Variants in SCAPER observed in about 807,000 individuals in gnomAD.
The protein encoded by SCAPER is S-phase cyclin A associated protein in the ER, also known as S phase cyclin A-associated protein in the endoplasmic reticulum.
SCAPER carries 98 observed loss-of-function variants against 182.2 expected under a neutral mutation model. The ratio of observed to expected loss-of-function variants is 0.54; its 90% CI spans 0.46 to 0.64. The LOEUF is 0.64. Ranked by LOEUF, SCAPER falls within the 30% of genes least tolerant of loss-of-function variation. The pLI, the probability that SCAPER is intolerant of heterozygous loss-of-function variation, is 0.00. For missense variants in SCAPER, 1,432 were observed against 1,690.0 expected, an observed-to-expected ratio of 0.85 and a Z score of 2.68; for synonymous variants, 605 against 564.6, an observed-to-expected ratio of 1.07 and a Z score of -1.01.
intron 4 of SCAPER, 46 bp from the exon 5 acceptor site, chr15:76,841,977 T>G (rs768881847): frequency 1.6e-5 from 25 of 1,516,322 alleles, no homozygotes; most frequent in Non-Finnish European, 2.1e-5. Flanking sequence ...TAAAAGGGCT[T>G]CCAGGGACTG....
chr15:76,852,343 T>C (rs1428667152), intron 4 of SCAPER, among the ~76,000 whole-genome samples: 3 of 152,204 alleles, frequency 2.0e-5, no homozygotes, highest in Non-Finnish European at 2.9e-5. Flanking sequence ...ATGGATCTGA[T>C]AGATCTCTAC....
chr15:76,523,376 G>A (rs999313746), intron 23 of SCAPER, among the ~76,000 whole-genome samples: 2 of 151,994 alleles, frequency 1.3e-5, no homozygotes, highest in African/African-American at 4.8e-5. Context: ...CCAATATTGT[G>A]ACCACAGAAG....
At chr15:76,540,127 C>A (rs147363201) in intron 23 of SCAPER, among the ~76,000 whole-genome samples, 33 of 152,208 alleles carry the variant, frequency 2.2e-4, no homozygotes, top group African/African-American at 6.5e-4. Context: ...TTTTAAAAAA[C>A]CATGTGTGGC....
chr15:76,397,725 C>A (rs557664142), intron 27 of SCAPER, among the ~76,000 whole-genome samples: 1 of 152,128 alleles, frequency 6.6e-6, no homozygotes, highest in Admixed American at 6.6e-5. Context: ...GATCCGCCCG[C>A]CTTGGCCTCC....
chr15:76,752,637 AC>A (rs2062161075), intron 15 of SCAPER, among the ~76,000 whole-genome samples: 2 of 151,782 alleles, frequency 1.3e-5, no homozygotes, highest in Admixed American at 1.3e-4. Flanking sequence ...ATAAAATTAC[AC>A]CATATCATTC....
chr15:76,470,016 TG>T, intron 25 of SCAPER, among the ~76,000 whole-genome samples: 1 of 152,250 alleles, frequency 6.6e-6, no homozygotes, highest in African/African-American at 2.4e-5. Flanking sequence ...TGTTGTACTG[TG>T]CAACAGTTCC....
At chr15:76,515,802 T>C (rs538053777) in intron 23 of SCAPER, among the ~76,000 whole-genome samples, 1 of 152,230 alleles carries the variant, frequency 6.6e-6, no homozygotes, top group Admixed American at 6.5e-5. Context: ...AGGTGTTCAA[T>C]AAATATTTGC....
chr15:76,361,497 A>G (rs1373956536), intron 29 of SCAPER, among the ~76,000 whole-genome samples: 2 of 152,200 alleles, frequency 1.3e-5, no homozygotes, highest in African/African-American at 4.8e-5. Context: ...TCAATCTACC[A>G]AGTCACATTT....
chr15:76,865,099 T>C (rs2072171940), intron 2 of SCAPER, among the ~76,000 whole-genome samples: 1 of 152,152 alleles, frequency 6.6e-6, no homozygotes, highest in African/African-American at 2.4e-5. Flanking sequence ...GCATTTACAT[T>C]TCACCAACTA....
intron 4 of SCAPER, among the ~76,000 whole-genome samples, chr15:76,854,583 A>G (rs1263452430): frequency 6.6e-6 from 1 of 152,118 alleles, no homozygotes; most frequent in Admixed American, 6.6e-5. Context: ...TACCAATGAC[A>G]TTCTTCACAG....
At chr15:76,762,415 G>A (rs1197166093) in intron 14 of SCAPER, among the ~76,000 whole-genome samples, 1 of 115,264 alleles carries the variant, frequency 8.7e-6, no homozygotes, top group Non-Finnish European at 1.9e-5. Context: ...TTTAGCATTT[G>A]TGTATTTACA....
chr15:76,434,056 T>C, intron 26 of SCAPER, 22 bp downstream of exon 26: 2 of 1,586,702 alleles, frequency 1.3e-6, no homozygotes, highest in Non-Finnish European at 1.7e-6. Flanking sequence ...GAACAAAGTT[T>C]TAAGAACTCT....
At chr15:76,613,338 A>G (rs1469397971) in intron 22 of SCAPER, among the ~76,000 whole-genome samples, 5 of 152,214 alleles carry the variant, frequency 3.3e-5, no homozygotes. Flanking sequence ...AACCTAGGCA[A>G]TACCATTTGG....
intron 21 of SCAPER, among the ~76,000 whole-genome samples, chr15:76,640,449 C>G (rs1049002198): frequency 2.0e-5 from 3 of 152,150 alleles, no homozygotes; most frequent in African/African-American, 7.2e-5. Context: ...GCTAAAAGAA[C>G]AGATTTTTGA....
chr15:76,603,582 T>C lies in SCAPER; in HGVS notation c.2711+18182A>G, dbSNP rs1389160734. Among the ~76,000 whole-genome samples, 5 of 121,940 alleles carry C rather than the reference T, an allele frequency of 4.1e-5. 2 individuals carry two copies. The highest frequency in any genetic ancestry group is 1.0e-4 in the Non-Finnish European group (5 of 50,234). 80.0% of individuals were successfully genotyped at this position (121,940 alleles called of 152,430 possible). On this transcript the variant is annotated intron_variant, in intron 22 of 31. Coordinates refer to ENST00000563290, the MANE Select transcript of SCAPER (RefSeq NM_020843.4). ...TGGCTGGGTCAAATGGTTTTCTAGT[T>C]CTAGATCCCTGAGGAATCACCACAC... is the stretch of plus-strand genomic sequence containing the variant.
At chr15:76,705,803 T>A in intron 18 of SCAPER, 100 bp downstream of exon 18, 2 of 763,756 alleles carry the variant, frequency 2.6e-6, no homozygotes, top group Non-Finnish European at 4.2e-6. Context: ...GTGCAAAGAT[T>A]AAGAATACAA....
chr15:76,425,841 C>A (rs183117516), intron 26 of SCAPER, among the ~76,000 whole-genome samples: 67 of 152,286 alleles, frequency 4.4e-4, no homozygotes, highest in Middle Eastern at 6.8e-3. Context: ...CAGTCAGGAC[C>A]CTCAGCTGCA....
intron 17 of SCAPER, among the ~76,000 whole-genome samples, chr15:76,711,232 CA>C (rs1314986510): frequency 3.3e-5 from 5 of 152,086 alleles, no homozygotes; most frequent in Non-Finnish European, 2.9e-5. Flanking sequence ...TCACATTCTT[CA>C]AAGACACTAT....
At chr15:76,649,709 A>G (rs116835786) in intron 21 of SCAPER, among the ~76,000 whole-genome samples, 65 of 151,304 alleles carry the variant, frequency 4.3e-4, no homozygotes, top group Non-Finnish European at 1.5e-4. Context: ...CATTAAAAAA[A>G]CACAATAACA....
Sources: gnomAD v4.1 joint callset for allele counts (sites outside exome capture counted in the v4.1 genomes callset) on GRCh38, gnomAD v4.1.1 for gene constraint, MANE v1.5 for transcripts, NCBI Gene and HGNC (gene_info 2026-07-23, HGNC 2026-07-21) for gene names.